Variants in CDK19 observed in about 807,000 individuals in gnomAD.
CDK19 encodes the protein cyclin dependent kinase 19.
In CDK19, 20 loss-of-function variants were observed where a neutral mutation model predicts 68.3. That is an observed-to-expected ratio of 0.29 (90% CI 0.21 to 0.43). The LOEUF is 0.43. Ranked by LOEUF, CDK19 falls within the 20% of genes least tolerant of loss-of-function variation. The probability of loss-of-function intolerance (pLI) is 1.00; values close to 1 mark genes in which losing one functional copy is unlikely to be tolerated. For synonymous variants in CDK19, 221 were observed against 222.8 expected, an observed-to-expected ratio of 0.99 and a Z score of 0.07; for missense variants, 339 against 623.5, an observed-to-expected ratio of 0.54 and a Z score of 4.86.
chr6:110,643,770 G>A lies in CDK19; in HGVS notation c.457-5064C>T, dbSNP rs139184061. Among the ~76,000 whole-genome samples, 325 of 152,096 alleles carry A rather than the reference G, an allele frequency of 2.1e-3. 2 individuals carry two copies. The highest frequency in any genetic ancestry group is 7.5e-3 in the African/African-American group (313 of 41,494). On this transcript the variant is annotated intron_variant, in intron 4 of 12. Transcript: ENST00000368911. ...AAAACTATCTTGGGAATAAAATACC[G>A]CATTAAAGAAATTGGAATTTACTCT...
rs566326244 is a variant in CDK19 at position 110,771,820 on chromosome 6, AG to A, written c.129-25620del. On this transcript the variant is annotated intron_variant, in intron 1 of 12. Transcript: ENST00000368911. Reference sequence around the variant, plus strand: ...CCTAAATCATCTTTCTCAAGTTCAAAGTTCCACAAATCTCTAGAGCAGGGGC... The same window carrying A: ...CCTAAATCATCTTTCTCAAGTTCAAATTCCACAAATCTCTAGAGCAGGGGC... Among the ~76,000 whole-genome samples the A allele has an allele frequency of 1.1e-4, 17 of 152,318 alleles. No homozygotes were observed. The East Asian group carries it at 2.9e-3, about 26-fold the overall frequency.
chr6:110,713,802 G>A (rs1453535255), intron 2 of CDK19, among the ~76,000 whole-genome samples: 1 of 152,082 alleles, frequency 6.6e-6, no homozygotes, highest in Non-Finnish European at 1.5e-5. Context: ...GACTGCTTGA[G>A]GGTAGGAGTT....
chr6:110,670,936 C>T (rs1390493920), intron 2 of CDK19: 5 of 373,396 alleles, frequency 1.3e-5, no homozygotes, highest in Non-Finnish European at 2.6e-5. Flanking sequence ...GAAACTGTTC[C>T]TTGGGAGGCA....
intron 12 of CDK19, among the ~76,000 whole-genome samples, chr6:110,618,146 T>G (rs765973488): frequency 2.0e-5 from 3 of 152,128 alleles, no homozygotes; most frequent in Non-Finnish European, 4.4e-5. Context: ...TTCATTTATT[T>G]TTTTTCAGAT....
chr6:110,719,152 G>A (rs1331303683), intron 2 of CDK19, among the ~76,000 whole-genome samples: 1 of 152,110 alleles, frequency 6.6e-6, no homozygotes, highest in Non-Finnish European at 1.5e-5. Context: ...AAAGAAGGTG[G>A]AGGGAAAGCA....
chr6:110,805,496 C>T (rs1187227968), intron 1 of CDK19, among the ~76,000 whole-genome samples: 3 of 152,150 alleles, frequency 2.0e-5, no homozygotes, highest in African/African-American at 7.2e-5. Flanking sequence ...ATAGATGTCC[C>T]TCAGTATACC....
intron 12 of CDK19, among the ~76,000 whole-genome samples, chr6:110,615,410 T>C (rs1207347554): frequency 6.6e-6 from 1 of 152,078 alleles, no homozygotes; most frequent in East Asian, 1.9e-4. Context: ...ATAAGAACAG[T>C]ATGTAAGAGA....
intron 5 of CDK19, among the ~76,000 whole-genome samples, chr6:110,635,169 C>G (rs1779681738): frequency 6.6e-6 from 1 of 152,032 alleles, no homozygotes; most frequent in South Asian, 2.1e-4. Flanking sequence ...AGGTCTACCA[C>G]TAAGGAGTTT....
chr6:110,718,947 GAT>G (rs961811444), intron 2 of CDK19, among the ~76,000 whole-genome samples: 7 of 152,054 alleles, frequency 4.6e-5, no homozygotes, highest in Admixed American at 2.6e-4. Flanking sequence ...AGGAGGGAAA[GAT>G]ATGAGGTAAA....
chr6:110,676,512 A>T (rs768126468), intron 2 of CDK19, among the ~76,000 whole-genome samples: 49 of 152,338 alleles, frequency 3.2e-4, no homozygotes, highest in Non-Finnish European at 6.5e-4. Flanking sequence ...CTTTCAAGAA[A>T]GGAAGAGTTC....
chr6:110,758,831 G>A (rs1463419087), intron 1 of CDK19, among the ~76,000 whole-genome samples: 1 of 152,052 alleles, frequency 6.6e-6, no homozygotes, highest in Admixed American at 6.5e-5. Context: ...ATCCCACCCT[G>A]TCAGATCAGA....
At chr6:110,693,474 T>G (rs1773204076) in intron 2 of CDK19, among the ~76,000 whole-genome samples, 1 of 152,246 alleles carries the variant, frequency 6.6e-6, no homozygotes, top group Non-Finnish European at 1.5e-5. Context: ...TGGAAAGCCC[T>G]GCTTGCTTTC....
At chr6:110,724,385 A>G (rs891254779) in intron 2 of CDK19, among the ~76,000 whole-genome samples, 1 of 152,112 alleles carries the variant, frequency 6.6e-6, no homozygotes, top group Non-Finnish European at 1.5e-5. Context: ...AAACAAGTAC[A>G]TAATGTGGTA....
intron 4 of CDK19, among the ~76,000 whole-genome samples, chr6:110,666,804 A>T (rs1187183878): frequency 2.6e-5 from 4 of 152,182 alleles, no homozygotes; most frequent in African/African-American, 9.7e-5. Flanking sequence ...CTTAAGAACA[A>T]ACAAAAGAAA....
chr6:110,701,603 A>T (rs2114639780), intron 2 of CDK19, among the ~76,000 whole-genome samples: 1 of 152,186 alleles, frequency 6.6e-6, no homozygotes, highest in South Asian at 2.1e-4. Flanking sequence ...TGCGCAGAGA[A>T]TACGAACAGA....
At chr6:110,775,014 G>A (rs201843891) in intron 1 of CDK19, among the ~76,000 whole-genome samples, 4 of 152,044 alleles carry the variant, frequency 2.6e-5, no homozygotes, top group Admixed American at 1.3e-4. Context: ...TTGGGAGGCC[G>A]AGGCAGGCAG....
chr6:110,777,496 G>A lies in CDK19; in HGVS notation c.129-31295C>T, dbSNP rs561316928. 1.6e-4 allele frequency among the ~76,000 whole-genome samples: 24 copies of A among 152,222 alleles called. No individual in the cohort carries two copies. The East Asian group carries it at 4.6e-3, about 29-fold the overall frequency. On this transcript the variant is annotated intron_variant, in intron 1 of 12. Coordinates refer to ENST00000368911, the MANE Select transcript of CDK19 (RefSeq NM_015076.5). ...CTAAAAAATAAAATAAAATAAGAAG[G>A]GTTGGTGAGGACGTAGAAAAACTGG... is the stretch of plus-strand genomic sequence containing the variant.
intron 1 of CDK19, among the ~76,000 whole-genome samples, chr6:110,760,946 G>A (rs1779188331): frequency 6.6e-6 from 1 of 152,124 alleles, no homozygotes; most frequent in Non-Finnish European, 1.5e-5. Context: ...TCTCAGACGG[G>A]GAATATGCCT....
At position 110,725,035 on chromosome 6, in the gene CDK19, AC is replaced by A. The variant is rs1456177489; in HGVS notation, c.204+21090del. On this transcript the variant is annotated intron_variant, in intron 2 of 12. Coordinates refer to ENST00000368911, the MANE Select transcript of CDK19 (RefSeq NM_015076.5). Reference sequence around the variant, plus strand: ...TACCTACTATGTGAGCTCCAAAAGTACAGAATTATTATTGTATGCATTTTTC... The same window carrying A: ...TACCTACTATGTGAGCTCCAAAAGTAAGAATTATTATTGTATGCATTTTTC... Among the ~76,000 whole-genome samples the A allele has an allele frequency of 7.9e-5, 12 of 152,342 alleles. No individual in the cohort carries two copies. In the South Asian group the frequency reaches 2.3e-3, roughly 29 times the overall value.
Sources: gnomAD v4.1 joint callset for allele counts (sites outside exome capture counted in the v4.1 genomes callset) on GRCh38, gnomAD v4.1.1 for gene constraint, MANE v1.5 for transcripts, NCBI Gene and HGNC (gene_info 2026-07-23, HGNC 2026-07-21) for gene names.